Variants in SEM1 observed in about 807,000 individuals in gnomAD.
SEM1 encodes SEM1 26S proteasome subunit.
In SEM1, 3 loss-of-function variants were observed where a neutral mutation model predicts 12.7. That is an observed-to-expected ratio of 0.24 (90% CI 0.11 to 0.61). The LOEUF (loss-of-function observed/expected upper bound fraction) is 0.61. SEM1 is among the 20% of genes least tolerant of loss of function. The pLI is 0.88. For missense variants in SEM1, 59 were observed against 81.3 expected (o/e 0.73, Z 1.06); for synonymous variants, 30 against 27.8 (o/e 1.08, Z -0.25).
intron 2 of SEM1, among the ~76,000 whole-genome samples, chr7:96,565,415 G>A (rs901959987): frequency 6.6e-6 from 1 of 151,788 alleles, no homozygotes; most frequent in African/African-American, 2.4e-5. Flanking sequence ...ATAGTCTAAA[G>A]GTCAATGCTC....
At chr7:96,522,731 C>CA (rs907720039) in intron 2 of SEM1, among the ~76,000 whole-genome samples, 2 of 110,362 alleles carry the variant, frequency 1.8e-5, no homozygotes, top group Non-Finnish European at 4.1e-5. Flanking sequence ...TACCCCCCCC[C>CA]CAAAAAAAAA....
chr7:96,637,261 G>C (rs1200480988), intron 2 of SEM1: 1 of 152,046 alleles, frequency 6.6e-6, no homozygotes, highest in Non-Finnish European at 1.5e-5. Context: ...GGCTGTCTCA[G>C]TGCGTTCTTC....
At chr7:96,650,527 A>G (rs758259778) in intron 2 of SEM1, 76 of 751,574 alleles carry the variant, frequency 1.0e-4, no homozygotes, top group Admixed American at 1.0e-4. Context: ...CAGCTTTAGC[A>G]TGAAAGGAGA....
At chr7:96,501,436 T>C (rs4374921) in intron 3 of SEM1, among the ~76,000 whole-genome samples, 20,021 of 151,938 alleles carry the variant, frequency 0.13, 1,604 homozygotes, top group South Asian at 0.23. Context: ...TATAGACCTT[T>C]CACACACACA....
intron 2 of SEM1, among the ~76,000 whole-genome samples, chr7:96,518,444 A>G (rs553281613): frequency 3.1e-4 from 47 of 152,250 alleles, no homozygotes; most frequent in African/African-American, 1.1e-3. Context: ...GAACAAGAGA[A>G]TTAAGGCTGA....
chr7:96,520,932 T>C (rs1337873091), intron 2 of SEM1, among the ~76,000 whole-genome samples: 13 of 152,060 alleles, frequency 8.5e-5, no homozygotes, highest in African/African-American at 3.1e-4. Context: ...TGGCTGATTG[T>C]CCTGAGAGCC....
At chr7:96,522,665 G>T (rs976470588) in intron 2 of SEM1, among the ~76,000 whole-genome samples, 8 of 151,316 alleles carry the variant, frequency 5.3e-5, no homozygotes, top group Non-Finnish European at 8.8e-5. Context: ...ATCATCTGAG[G>T]TCGGGAGTTC....
rs142539686 is a variant in SEM1, at chr7:96,683,338, C to T, written c.171-9479G>A. On this transcript the variant is annotated intron_variant, in intron 2 of 2. Transcript: ENST00000413065. ...GTAAATCAAAACCACAGTGAGATAC[C>T]ATCTCATGCCAGTTTGAATGATGAT... 1.1e-4 allele frequency among the ~76,000 whole-genome samples: 17 copies of T among 152,100 alleles called. No individual in the cohort carries two copies. The East Asian group carries it at 3.3e-3, about 29-fold the overall frequency.
Position 96,527,957 on chromosome 7 carries a change from T to G in SEM1, c.171-21259A>C, listed in dbSNP as rs76950585. Among the ~76,000 whole-genome samples, 921 of 152,280 alleles carry G rather than the reference T, an allele frequency of 6.0e-3. 12 individuals carry two copies. The highest frequency in any genetic ancestry group is 0.021 in the African/African-American group (883 of 41,588). On this transcript the variant is annotated intron_variant and NMD_transcript_variant, in intron 2 of 3. Transcript: ENST00000466986. ...TTCCTTCTGCTTTTGCCAGTAATTC[T>G]CACAATAGGAATATGTATGGTTCAT...
intron 2 of SEM1, among the ~76,000 whole-genome samples, chr7:96,677,809 A>G (rs1024969278): frequency 1.5e-4 from 23 of 152,188 alleles, no homozygotes; most frequent in African/African-American, 5.1e-4. Flanking sequence ...TTAATTACCC[A>G]TAAAAAATCT....
At chr7:96,524,428 GTTTTA>G (rs1157609929) in intron 2 of SEM1, among the ~76,000 whole-genome samples, 2 of 152,060 alleles carry the variant, frequency 1.3e-5, no homozygotes, top group East Asian at 1.9e-4. Context: ...GGTACTGGAT[GTTTTA>G]TTTTATTTTA....
chr7:96,515,699 A>C (rs2115582236), intron 2 of SEM1, among the ~76,000 whole-genome samples: 1 of 152,322 alleles, frequency 6.6e-6, no homozygotes, highest in African/African-American at 2.4e-5. Context: ...TGCAGCCATA[A>C]AAAAGGATGA....
chr7:96,618,191 T>C (rs1807779024), downstream of SEM1, among the ~76,000 whole-genome samples: 2 of 152,218 alleles, frequency 1.3e-5, no homozygotes, highest in South Asian at 4.1e-4. Flanking sequence ...TTTTTATTAC[T>C]GATTCAATCT....
In SEM1 at chr7:96,615,238, C is replaced by CTTTTTT. The variant is rs1807672872; in HGVS notation, c.170+79559_170+79560insAAAAAA. Among the ~76,000 whole-genome samples, 15 of 30,482 alleles carry CTTTTTT rather than the reference C, an allele frequency of 4.9e-4. No homozygotes were observed. The East Asian group carries it at 7.7e-3, about 16-fold the overall frequency. The allele number at this position is 30,482 out of a possible 152,430, so 20.0% of individuals were successfully genotyped here. ...TGGACTGTTGGGTTATTTTTTGAGT[C>CTTTTTT]ATCTTTTTTTTTTTTTTTTTTTTTT... On this transcript the variant is annotated intron_variant and NMD_transcript_variant, in intron 2 of 3. Transcript: ENST00000466986.
chr7:96,587,796 C>T (rs1384728910), intron 2 of SEM1, among the ~76,000 whole-genome samples: 1 of 151,948 alleles, frequency 6.6e-6, no homozygotes, highest in African/African-American at 2.4e-5. Flanking sequence ...TACACGTGTA[C>T]ACATACATAC....
intron 2 of SEM1, among the ~76,000 whole-genome samples, chr7:96,564,569 G>T (rs1805790204): frequency 6.6e-6 from 1 of 151,998 alleles, no homozygotes; most frequent in South Asian, 2.1e-4. Flanking sequence ...GACCGTGCCG[G>T]CTAGAAAGTG....
chr7:96,611,808 G>T (rs1043146527), intron 2 of SEM1, among the ~76,000 whole-genome samples: 1 of 152,138 alleles, frequency 6.6e-6, no homozygotes, highest in African/African-American at 2.4e-5. Context: ...TCCATCCGGT[G>T]CTAGCTGGCC....
At chr7:96,499,728 G>A (rs571373735), upstream of SEM1, among the ~76,000 whole-genome samples, 37 of 152,292 alleles carry the variant, frequency 2.4e-4, no homozygotes, top group South Asian at 7.0e-3. Context: ...TAGGCATAGA[G>A]TGGAAAAACA....
chr7:96,646,993 T>C (rs1241624696), intron 2 of SEM1, among the ~76,000 whole-genome samples: 1 of 152,194 alleles, frequency 6.6e-6, no homozygotes, highest in Non-Finnish European at 1.5e-5. Flanking sequence ...ATATTAAGCA[T>C]TGAGAAAAGC....
Sources: allele counts gnomAD v4.1 joint callset (sites outside exome capture counted in the v4.1 genomes callset), GRCh38; gene constraint gnomAD v4.1.1; transcripts MANE v1.5; gene names NCBI Gene and HGNC (gene_info 2026-07-23, HGNC 2026-07-21).